SRL: variants seen among roughly 807,000 people sequenced by gnomAD.
SRL encodes the protein sarcalumenin.
In SRL, 23 loss-of-function variants were observed where a neutral mutation model predicts 39.5. The observed-to-expected ratio is 0.58, with a 90% CI of 0.42 to 0.82. The LOEUF (loss-of-function observed/expected upper bound fraction) is 0.82, where lower values mean the gene tolerates loss of function less well. Ranked by LOEUF, SRL falls within the 40% of genes least tolerant of loss-of-function variation. The probability of loss-of-function intolerance (pLI) is 0.00; values close to 1 mark genes in which losing one functional copy is unlikely to be tolerated. For synonymous variants in SRL, 272 were observed against 237.4 expected (o/e 1.15, Z -1.34); for missense variants, 592 against 607.8 (o/e 0.97, Z 0.27).
At position 4,195,559 on chromosome 16, in the gene SRL, C is replaced by G. The variant is rs781666310; in HGVS notation, c.604G>C (p.Glu202Gln). The G allele has an allele frequency of 6.2e-7, 1 of 1,614,128 alleles. No homozygotes were observed. Among genetic ancestry groups the G allele is most frequent in the Non-Finnish European group, 8.5e-7 (1 of 1,180,000 alleles). ...PGIIENRKQQ[E>Q]RGYPFNDVCQ... is the part of the protein sequence containing the mutation. ...GAAATGAGGGCTAAATTACCTCTTTCTTGCTGCTTGCGGTTCTCGATGATG... is the reference window on the plus strand; with the variant it reads ...GAAATGAGGGCTAAATTACCTCTTTGTTGCTGCTTGCGGTTCTCGATGATG... Residue 202 changes from glutamate to glutamine, a missense_variant, in exon 5 of 6, where the codon GAA becomes CAA. Coordinates refer to ENST00000399609, the MANE Select transcript of SRL (RefSeq NM_001098814.2).
At chr16:4,226,363 T>C (rs1342097811) in intron 1 of SRL, among the ~76,000 whole-genome samples, 2 of 151,582 alleles carry the variant, frequency 1.3e-5, no homozygotes, top group Non-Finnish European at 2.9e-5. Flanking sequence ...GATGGGTAGA[T>C]GGATGAATGG....
chr16:4,190,039 G>T lies in SRL; in HGVS notation c.*2114C>A. On this transcript the variant is annotated 3_prime_UTR_variant, in exon 6 of 6. Transcript: ENST00000399609. ...CTCATCAGCCCCTATCACAGGCTCC[G>T]TGGATGCCCCTTGCAGAACTCACTG... is the stretch of plus-strand genomic sequence containing the variant. The T allele has an allele frequency of 2.6e-6, 1 of 381,176 alleles. No individual in the cohort carries two copies. The highest frequency in any genetic ancestry group is 4.6e-6 in the Non-Finnish European group (1 of 215,488). The allele number at this position is 381,176 out of a possible 1,614,324, so 23.6% of individuals were successfully genotyped here.
intron 3 of SRL, among the ~76,000 whole-genome samples, chr16:4,202,270 C>T (rs569004569): frequency 3.9e-5 from 6 of 152,324 alleles, no homozygotes; most frequent in African/African-American, 7.2e-5. Flanking sequence ...TTCACTATAA[C>T]GATGTGTTTC....
In SRL at chr16:4,197,793, G is replaced by C; in HGVS notation, c.376+6C>G. 2 of 1,552,630 alleles carry C rather than the reference G, an allele frequency of 1.3e-6. No homozygotes were observed. The highest frequency in any genetic ancestry group is 1.1e-5 in the South Asian group (1 of 89,802). ...ATCCCAACAATCACACAAGAATATT[G>C]ATTACCTGTATAGAGCTGATAGCGA... On this transcript the variant is annotated splice_donor_region_variant and intron_variant, in intron 4 of 5. Transcript: ENST00000399609.
At chr16:4,208,238 C>A in intron 1 of SRL, 1 of 355,368 alleles carries the variant, frequency 2.8e-6, no homozygotes, top group Non-Finnish European at 5.5e-6. Flanking sequence ...GCCCACCAAC[C>A]TGGGTCTTCA....
Position 4,204,489 on chromosome 16 carries a change from G to A in SRL, c.163+44C>T, listed in dbSNP as rs142234010. The A allele has an allele frequency of 1.4e-5, 22 of 1,521,840 alleles. No individual in the cohort carries two copies. In the African/African-American group the frequency reaches 1.8e-4, roughly 13 times the overall value. The allele number at this position is 1,521,840 out of a possible 1,614,324, so 94.3% of individuals were successfully genotyped here. On this transcript the variant is annotated intron_variant, in intron 2 of 5. Transcript: ENST00000399609. Reference sequence around the variant, plus strand: ...CCAGGAGTCTGCCCGGGCCCTGGTGGCCGGGCTCTCCCAGCCCTGGGCATA... The same window carrying A: ...CCAGGAGTCTGCCCGGGCCCTGGTGACCGGGCTCTCCCAGCCCTGGGCATA...
chr16:4,214,797 T>G (rs1233701191), intron 1 of SRL, among the ~76,000 whole-genome samples: 1 of 151,394 alleles, frequency 6.6e-6, no homozygotes, highest in African/African-American at 2.4e-5. Flanking sequence ...AGACGAAGTC[T>G]CATTCTGTCG....
intron 1 of SRL, among the ~76,000 whole-genome samples, chr16:4,235,158 G>A (rs1260998347): frequency 6.6e-6 from 1 of 152,210 alleles, no homozygotes; most frequent in East Asian, 1.9e-4. Flanking sequence ...GGCAGACTCT[G>A]AAGATCAACT....
intron 1 of SRL, 85 bp downstream of exon 1, chr16:4,241,922 C>T (rs865940684): frequency 2.7e-6 from 4 of 1,497,698 alleles, no homozygotes; most frequent in Middle Eastern, 1.7e-4. Flanking sequence ...AGCCCCGACC[C>T]CCTACCCAAC....
chr16:4,195,921 C>T (rs1042145301), intron 4 of SRL, 135 bp from the exon 5 acceptor site: 49 of 703,548 alleles, frequency 7.0e-5, no homozygotes, highest in Non-Finnish European at 9.3e-5. Flanking sequence ...GCTATTGGGG[C>T]TTTCTTTTAA....
chr16:4,205,074 G>A (rs2052301360), intron 1 of SRL, among the ~76,000 whole-genome samples: 1 of 152,068 alleles, frequency 6.6e-6, no homozygotes, highest in East Asian at 1.9e-4. Context: ...TGTAATCCTA[G>A]CACTTTAGGA....
chr16:4,240,658 C>A (rs2052763462), intron 1 of SRL, among the ~76,000 whole-genome samples: 1 of 152,148 alleles, frequency 6.6e-6, no homozygotes, highest in Non-Finnish European at 1.5e-5. Flanking sequence ...ATGACCAGTT[C>A]CCTCGGTGGG....
chr16:4,228,546 T>C (rs73497170), intron 1 of SRL, among the ~76,000 whole-genome samples: 3,563 of 151,746 alleles, frequency 0.023, 128 homozygotes, highest in African/African-American at 0.074. Context: ...CCATCCTGGC[T>C]AACACGGTGA....
chr16:4,241,939 T>C, intron 1 of SRL, 68 bp downstream of exon 1: 1 of 1,580,470 alleles, frequency 6.3e-7, no homozygotes, highest in Non-Finnish European at 8.7e-7. Context: ...CAACCCATGG[T>C]AGACAGAAAA....
At chr16:4,227,191 C>T (rs566747600) in intron 1 of SRL, among the ~76,000 whole-genome samples, 29 of 138,280 alleles carry the variant, frequency 2.1e-4, no homozygotes, top group African/African-American at 6.0e-4. Flanking sequence ...AATGGACAGA[C>T]GGACAGATAG....
chr16:4,192,511 T>C lies in SRL; in HGVS notation c.1064A>G (p.Lys355Arg). The C allele has an allele frequency of 6.2e-7, 1 of 1,614,188 alleles. No homozygotes were observed. The highest frequency in any genetic ancestry group is 8.5e-7 in the Non-Finnish European group (1 of 1,180,038). ...LLVDRYLQTY[K>R]DKMTFFSDGE... ...ATCACTGAAGAAGGTCATTTTGTCC[T>C]TGTAAGTCTGCAGGTAGCGGTCAAC... Residue 355 changes from lysine (K) to arginine (R), a missense_variant, in exon 6 of 6, where the codon AAG becomes AGG. Lys to Arg is a conservative substitution (Grantham distance 26, BLOSUM62 2). Transcript: ENST00000399609. The surrounding 1 kb of genome is among the most constrained non-coding windows in gnomAD (Gnocchi z 4.0).
At chr16:4,235,859 T>A (rs2052708593) in intron 1 of SRL, among the ~76,000 whole-genome samples, 1 of 152,110 alleles carries the variant, frequency 6.6e-6, no homozygotes, top group Non-Finnish European at 1.5e-5. Flanking sequence ...GAGGCCGAGG[T>A]GAGCGGATCT....
At chr16:4,238,059 T>A (rs2052731756) in intron 1 of SRL, among the ~76,000 whole-genome samples, 1 of 152,182 alleles carries the variant, frequency 6.6e-6, no homozygotes, top group Non-Finnish European at 1.5e-5. Flanking sequence ...ACAGCAGGGA[T>A]GCAGCAAACG....
intron 4 of SRL, 26 bp from the exon 5 acceptor site, chr16:4,195,812 G>C: frequency 6.3e-7 from 1 of 1,581,742 alleles, no homozygotes; most frequent in Non-Finnish European, 8.7e-7. Context: ...GAGAGGTGAA[G>C]GAATACATGA....
Sources: allele counts gnomAD v4.1 joint callset (sites outside exome capture counted in the v4.1 genomes callset), GRCh38; gene constraint gnomAD v4.1.1; non-coding constraint Gnocchi (gnomAD v3.1); transcripts MANE v1.5; gene names NCBI Gene and HGNC (gene_info 2026-07-23, HGNC 2026-07-21).